CHCHD3: variants seen among roughly 807,000 people sequenced by gnomAD.
CHCHD3 encodes the protein MICOS complex subunit MIC19.
In CHCHD3, 20 loss-of-function variants were observed where a neutral mutation model predicts 38.2. The ratio of observed to expected loss-of-function variants is 0.52; its 90% confidence interval spans 0.37 to 0.76. CHCHD3 has a LOEUF of 0.76. Ranked by LOEUF, CHCHD3 falls within the 30% of genes least tolerant of loss-of-function variation. The pLI, the probability that CHCHD3 is intolerant of heterozygous loss-of-function variation, is 0.00. For missense variants in CHCHD3, 245 were observed against 279.2 expected (o/e 0.88, Z 0.87); for synonymous variants, 82 against 100.0 (o/e 0.82, Z 1.07).
intron 2 of CHCHD3, among the ~76,000 whole-genome samples, chr7:133,046,571 G>T (rs55716595): frequency 0.19 from 12,774 of 68,804 alleles, 1,188 homozygotes; most frequent in Admixed American, 0.37. Context: ...GTATTTTTTT[G>T]GGGGGGGGAG....
At chr7:132,910,828 A>T (rs955608767) in intron 4 of CHCHD3, among the ~76,000 whole-genome samples, 1 of 152,176 alleles carries the variant, frequency 6.6e-6, no homozygotes, top group Non-Finnish European at 1.5e-5. Flanking sequence ...GACCCTACCG[A>T]GTCTGAGTAA....
chr7:132,883,459 G>A (rs1478625109), intron 5 of CHCHD3, among the ~76,000 whole-genome samples: 1 of 152,140 alleles, frequency 6.6e-6, no homozygotes, highest in African/African-American at 2.4e-5. Flanking sequence ...TGACATCAGA[G>A]CCTTGTGCTC....
chr7:132,918,134 CATA>C (rs1365596000), intron 4 of CHCHD3, among the ~76,000 whole-genome samples: 1 of 152,148 alleles, frequency 6.6e-6, no homozygotes, highest in African/African-American at 2.4e-5. Context: ...CTTAGTGATT[CATA>C]ATGAGTTAAG....
intron 4 of CHCHD3, among the ~76,000 whole-genome samples, chr7:132,961,731 T>C (rs182294035): frequency 4.2e-4 from 64 of 152,338 alleles, no homozygotes; most frequent in Non-Finnish European, 5.6e-4. Context: ...CCACAGAACT[T>C]ATTCATCTAT....
chr7:132,985,004 C>A (rs1812057857), intron 3 of CHCHD3, among the ~76,000 whole-genome samples: 1 of 87,230 alleles, frequency 1.1e-5, no homozygotes, highest in Non-Finnish European at 2.4e-5. Flanking sequence ...GCCCGGCCAG[C>A]CGCCCCGTCT....
rs144605163 is a variant in CHCHD3, at chr7:132,869,319, T to C, written c.453+16343A>G. On this transcript the variant is annotated intron_variant, in intron 5 of 7. Transcript: ENST00000262570. ...GGTCTGGAAGAGCTAGACTGCAATA[T>C]TACAATACCATAGAATTTAATAAAC... Among the ~76,000 whole-genome samples, 520 of 152,222 alleles carry C rather than the reference T, an allele frequency of 3.4e-3. 1 individual carries two copies. Among genetic ancestry groups the C allele is most frequent in the African/African-American group, 0.012 (499 of 41,540 alleles).
intron 6 of CHCHD3, among the ~76,000 whole-genome samples, chr7:132,824,788 CA>C (rs1337348635): frequency 6.6e-6 from 1 of 152,210 alleles, no homozygotes; most frequent in East Asian, 1.9e-4. Flanking sequence ...CTCTTCATAG[CA>C]AGGCCATTCT....
At chr7:133,071,964 G>A (rs968037674) in intron 1 of CHCHD3, among the ~76,000 whole-genome samples, 2 of 152,100 alleles carry the variant, frequency 1.3e-5, no homozygotes, top group African/African-American at 4.8e-5. Context: ...CTGTAAACAG[G>A]CACAAGAGAT....
At chr7:133,031,950 G>A (rs1323744401) in intron 2 of CHCHD3, among the ~76,000 whole-genome samples, 2 of 152,066 alleles carry the variant, frequency 1.3e-5, no homozygotes, top group African/African-American at 2.4e-5. Context: ...AGCAATTATT[G>A]TTTAAGAAAA....
intron 4 of CHCHD3, among the ~76,000 whole-genome samples, chr7:132,888,415 A>G (rs981769167): frequency 2.0e-5 from 3 of 151,870 alleles, no homozygotes; most frequent in African/African-American, 7.2e-5. Context: ...ATAGAACTGT[A>G]TATCAGAAAG....
Position 133,035,607 on chromosome 7 carries a change from T to C in CHCHD3, c.170-10980A>G. The C allele has an allele frequency of 6.2e-7, 1 of 1,612,482 alleles. No individual in the cohort carries two copies. Among genetic ancestry groups the C allele is most frequent in the Non-Finnish European group, 8.5e-7 (1 of 1,179,036 alleles). ...CCAGGTACTGGCTGGGGGCACTATATCGGAATCAGCAAAGCTCACCCACTG... is the reference window on the plus strand; with the variant it reads ...CCAGGTACTGGCTGGGGGCACTATACCGGAATCAGCAAAGCTCACCCACTG... On this transcript the variant is annotated intron_variant, in intron 2 of 7. Coordinates refer to ENST00000262570, the MANE Select transcript of CHCHD3 (RefSeq NM_017812.4). The surrounding 1 kb of genome is among the most constrained non-coding windows in gnomAD (Gnocchi z 4.7).
chr7:132,876,620 G>A (rs1465629300), intron 5 of CHCHD3, among the ~76,000 whole-genome samples: 2 of 152,092 alleles, frequency 1.3e-5, no homozygotes, highest in African/African-American at 4.8e-5. Context: ...ATCATTACAA[G>A]CACTCACAAA....
intron 5 of CHCHD3, among the ~76,000 whole-genome samples, chr7:132,879,338 T>A (rs758342033): frequency 6.6e-6 from 1 of 152,128 alleles, no homozygotes; most frequent in Non-Finnish European, 1.5e-5. Flanking sequence ...TATACCTAAC[T>A]AAATTTTCTG....
intron 4 of CHCHD3, chr7:132,972,872 G>A (rs998684925): frequency 1.2e-5 from 12 of 985,246 alleles, no homozygotes; most frequent in African/African-American, 5.2e-5. Flanking sequence ...CAGAATGTAC[G>A]AGGCCAGTTT....
chr7:133,004,268 A>G (rs1812644915), intron 3 of CHCHD3, among the ~76,000 whole-genome samples: 1 of 152,180 alleles, frequency 6.6e-6, no homozygotes, highest in African/African-American at 2.4e-5. Context: ...AGCAGGCCTT[A>G]AAGATTTAAT....
intron 2 of CHCHD3, among the ~76,000 whole-genome samples, chr7:133,040,476 G>T (rs10261945): frequency 0.01 from 1,566 of 152,036 alleles, 31 homozygotes; most frequent in African/African-American, 0.036. Flanking sequence ...TGAGAACTGG[G>T]GCTGCAACAG....
Position 133,057,928 on chromosome 7 carries a change from C to G in CHCHD3, c.169+12214G>C, listed in dbSNP as rs184664199. On this transcript the variant is annotated intron_variant, in intron 2 of 7. Transcript: ENST00000262570. ...TATAACTTCCCATAATCTTATAATG[C>G]CCACTCTCAAAAGTTTCTGAGATGG... Among the ~76,000 whole-genome samples, 31 of 152,066 alleles carry G rather than the reference C, an allele frequency of 2.0e-4. No homozygotes were observed. The East Asian group carries it at 2.5e-3, about 12-fold the overall frequency.
intron 6 of CHCHD3, among the ~76,000 whole-genome samples, chr7:132,798,243 T>C (rs1426346276): frequency 6.6e-6 from 1 of 152,202 alleles, no homozygotes; most frequent in Non-Finnish European, 1.5e-5. Context: ...AATTTTTCTA[T>C]AACATCACTT....
intron 4 of CHCHD3, chr7:132,973,892 T>C: frequency 8.3e-7 from 1 of 1,210,484 alleles, no homozygotes; most frequent in Non-Finnish European, 1.0e-6. Context: ...ATTTTCCCTG[T>C]CCAGTGAGTT....
Sources: allele counts gnomAD v4.1 joint callset (sites outside exome capture counted in the v4.1 genomes callset), GRCh38; gene constraint gnomAD v4.1.1; non-coding constraint Gnocchi (gnomAD v3.1); transcripts MANE v1.5; gene names NCBI Gene and HGNC (gene_info 2026-07-23, HGNC 2026-07-21).